The following NDC80 variants were observed in gnomAD, a reference collection of about 807,000 sequenced individuals.
NDC80 encodes the protein NDC80 kinetochore complex component.
In NDC80, 69 loss-of-function variants were observed where a neutral mutation model predicts 89.3. The ratio of observed to expected loss-of-function variants is 0.77; its 90% confidence interval spans 0.64 to 0.94. NDC80 has a LOEUF of 0.94. Among genes scored for constraint, NDC80 ranks in the 40% least tolerant of loss-of-function variants. NDC80 has a pLI of 0.00. For synonymous variants in NDC80, 243 were observed against 255.6 expected (o/e 0.95, Z 0.47); for missense variants, 593 against 739.6 (o/e 0.80, Z 2.30).
chr18:2,614,060 A>G (rs2072758814), intron 16 of NDC80, among the ~76,000 whole-genome samples: 1 of 152,240 alleles, frequency 6.6e-6, no homozygotes, highest in African/African-American at 2.4e-5. Context: ...TAGTTTGATC[A>G]TTACCAAATG....
intron 1 of NDC80, among the ~76,000 whole-genome samples, chr18:2,572,650 C>G (rs1456685990): frequency 6.6e-6 from 1 of 152,190 alleles, no homozygotes; most frequent in Non-Finnish European, 1.5e-5. Context: ...ACAGACAGGG[C>G]TTTAGCTACC....
intron 16 of NDC80, 101 bp from the exon 17 acceptor site, chr18:2,616,336 T>C (rs1568017569): frequency 8.1e-6 from 7 of 864,830 alleles, no homozygotes; most frequent in South Asian, 4.4e-5. Context: ...TTTTTATTCT[T>C]AACTTAAAAA....
intron 16 of NDC80, chr18:2,614,594 A>T (rs1193284164): frequency 1.4e-4 from 1 of 7,010 alleles, no homozygotes; most frequent in Non-Finnish European, 2.5e-4. Context: ...AGAAAGAAAG[A>T]AAGAAAGAAA....
At chr18:2,587,990 A>C in intron 8 of NDC80, 67 bp downstream of exon 8, 1 of 1,261,606 alleles carries the variant, frequency 7.9e-7, no homozygotes, top group South Asian at 1.2e-5. Context: ...GTGGTAATTT[A>C]TTTACCATAT....
chr18:2,614,591 AAG>A (rs1491485674), intron 16 of NDC80: 1 of 3,732 alleles, frequency 2.7e-4, no homozygotes, highest in Non-Finnish European at 4.8e-4. Flanking sequence ...GAAAGAAAGA[AAG>A]AAAGAAAGAA....
intron 2 of NDC80, among the ~76,000 whole-genome samples, chr18:2,574,664 G>T (rs551707213): frequency 2.0e-4 from 31 of 152,040 alleles, no homozygotes; most frequent in African/African-American, 7.2e-4. Flanking sequence ...TGCAAATTTA[G>T]GGTAGAAAAT....
At chr18:2,598,423 G>A (rs1242740322) in intron 11 of NDC80, among the ~76,000 whole-genome samples, 1 of 152,144 alleles carries the variant, frequency 6.6e-6, no homozygotes, top group African/African-American at 2.4e-5. Context: ...AGTGATGATG[G>A]CTATGAAGAA....
chr18:2,603,026 G>C (rs2072691899), intron 13 of NDC80, among the ~76,000 whole-genome samples: 1 of 152,146 alleles, frequency 6.6e-6, no homozygotes, highest in Admixed American at 6.5e-5. Context: ...GTGAATCATA[G>C]TGCTATTAAC....
Position 2,595,635 on chromosome 18 carries a change from T to G in NDC80, c.1221+14T>G. 6 of 1,609,226 alleles carry G rather than the reference T, an allele frequency of 3.7e-6. No individual in the cohort carries two copies. Among genetic ancestry groups the G allele is most frequent in the Non-Finnish European group, 5.1e-6 (6 of 1,176,620 alleles). ...GGCAAAGAAGCGGTATGTCATACCA[T>G]TTCCAGAGTGGCAACTCATCATAGC... On this transcript the variant is annotated intron_variant, in intron 11 of 16. Transcript: ENST00000261597.
intron 16 of NDC80, among the ~76,000 whole-genome samples, chr18:2,612,580 G>A (rs1169516699): frequency 2.0e-5 from 3 of 151,800 alleles, no homozygotes; most frequent in African/African-American, 7.3e-5. Flanking sequence ...TGAGCCACTC[G>A]CCTGGCAGTG....
Position 2,595,780 on chromosome 18 carries a change from A to G in NDC80, c.1221+159A>G, listed in dbSNP as rs553512209. On this transcript the variant is annotated intron_variant, in intron 11 of 16. Coordinates refer to ENST00000261597, the MANE Select transcript of NDC80 (RefSeq NM_006101.3). ...AACACTCATCCCTTTATGTCAATTC[A>G]GTAACATCCCAATTTCTCTCAAATT... 3.3e-5 allele frequency among the ~76,000 whole-genome samples: 5 copies of G among 152,368 alleles called. 1 individual carries two copies. In the South Asian group the frequency reaches 8.3e-4, roughly 25 times the overall value.
intron 6 of NDC80, 122 bp downstream of exon 6, chr18:2,579,151 A>G (rs1718688507): frequency 4.0e-6 from 2 of 498,530 alleles, no homozygotes; most frequent in Non-Finnish European, 6.5e-6. Context: ...TTCATTTTTC[A>G]AAGCACATTT....
rs576094705 is a variant in NDC80, at chr18:2,598,059, CATTTAATGTATAAGTAATAAGCCCAAA to C, written c.1222-940_1222-914del. ...GGTAATACATTACCAATTTAGCCAACATTTAATGTATAAGTAATAAGCCCAAAATTTAATGTATAAGTAATATTGCTT... is the reference window on the plus strand; with the variant it reads ...GGTAATACATTACCAATTTAGCCAACATTTAATGTATAAGTAATATTGCTT... On this transcript the variant is annotated intron_variant, in intron 11 of 16. Coordinates refer to ENST00000261597, the MANE Select transcript of NDC80 (RefSeq NM_006101.3). 3.5e-3 allele frequency among the ~76,000 whole-genome samples: 527 copies of C among 152,330 alleles called. 3 individuals are homozygous for C. The highest frequency in any genetic ancestry group is 0.012 in the African/African-American group (479 of 41,574).
At chr18:2,610,687 G>C in intron 15 of NDC80, 72 bp from the exon 16 acceptor site, 1 of 908,808 alleles carries the variant, frequency 1.1e-6, no homozygotes, top group Non-Finnish European at 1.6e-6. Context: ...GTGGAAATGG[G>C]AAGTGAGCTA....
At chr18:2,609,752 C>T (rs769839496) in intron 15 of NDC80, among the ~76,000 whole-genome samples, 4 of 152,290 alleles carry the variant, frequency 2.6e-5, no homozygotes, top group Middle Eastern at 3.4e-3. Flanking sequence ...ACCATCAGTA[C>T]TGGATGCATG....
At chr18:2,586,585 C>T (rs1459980677) in intron 7 of NDC80, among the ~76,000 whole-genome samples, 3 of 152,074 alleles carry the variant, frequency 2.0e-5, no homozygotes, top group African/African-American at 7.2e-5. Context: ...CAAAAATTAG[C>T]TGGGTGTGGT....
intron 11 of NDC80, among the ~76,000 whole-genome samples, chr18:2,597,408 T>G (rs1193578493): frequency 2.6e-5 from 4 of 152,120 alleles, no homozygotes; most frequent in Non-Finnish European, 4.4e-5. Flanking sequence ...AGCAATCTAA[T>G]AAGAAATTAC....
At chr18:2,605,661 C>T (rs1339939970) in intron 13 of NDC80, among the ~76,000 whole-genome samples, 1 of 151,322 alleles carries the variant, frequency 6.6e-6, no homozygotes, top group Non-Finnish European at 1.5e-5. Context: ...ATAATAATAG[C>T]TTCACTAAAT....
chr18:2,597,120 A>G (rs2143654201), intron 11 of NDC80, among the ~76,000 whole-genome samples: 1 of 152,284 alleles, frequency 6.6e-6, no homozygotes, highest in East Asian at 1.9e-4. Flanking sequence ...GCACATGTAT[A>G]CATATGTAAC....
Sources: gnomAD v4.1 joint callset for allele counts (sites outside exome capture counted in the v4.1 genomes callset) on GRCh38, gnomAD v4.1.1 for gene constraint, MANE v1.5 for transcripts, NCBI Gene and HGNC (gene_info 2026-07-23, HGNC 2026-07-21) for gene names.